Variants in MSRB3 observed in about 807,000 individuals in gnomAD.
The protein encoded by MSRB3 is methionine sulfoxide reductase B3.
A neutral mutation model predicts 21.0 loss-of-function variants in MSRB3; 13 were observed. That is an observed-to-expected ratio of 0.62 (90% CI 0.40 to 0.98). MSRB3 has a LOEUF of 0.98. Ranked by LOEUF, MSRB3 falls within the 50% of genes least tolerant of loss-of-function variation. The pLI is 0.00. For synonymous variants in MSRB3, 87 were observed against 88.6 expected, an observed-to-expected ratio of 0.98 and a Z score of 0.10; for missense variants, 199 against 230.3, an observed-to-expected ratio of 0.86 and a Z score of 0.88.
At chr12:65,432,694 C>T (rs1240954605) in intron 5 of MSRB3, among the ~76,000 whole-genome samples, 2 of 151,612 alleles carry the variant, frequency 1.3e-5, no homozygotes, top group Non-Finnish European at 2.9e-5. Flanking sequence ...ATAGTTAGTT[C>T]TTAAAGCAGT....
chr12:65,344,756 CA>C (rs1398448205), intron 4 of MSRB3, among the ~76,000 whole-genome samples: 1 of 151,920 alleles, frequency 6.6e-6, no homozygotes, highest in Non-Finnish European at 1.5e-5. Context: ...GACTCAAAAC[CA>C]TGTCACTTTG....
chr12:65,413,798 A>C (rs994497086), intron 5 of MSRB3, among the ~76,000 whole-genome samples: 1 of 152,136 alleles, frequency 6.6e-6, no homozygotes, highest in African/African-American at 2.4e-5. Flanking sequence ...AACCCAGCAG[A>C]GTAAGGGGGA....
At chr12:65,281,453 G>C (rs1872015561) in intron 1 of MSRB3, among the ~76,000 whole-genome samples, 1 of 152,162 alleles carries the variant, frequency 6.6e-6, no homozygotes, top group Non-Finnish European at 1.5e-5. Flanking sequence ...TGCTATACAT[G>C]TCAAACTGGC....
chr12:65,314,343 G>A (rs892522351), intron 2 of MSRB3, among the ~76,000 whole-genome samples: 1 of 151,954 alleles, frequency 6.6e-6, no homozygotes, highest in Non-Finnish European at 1.5e-5. Flanking sequence ...TATTAGTTTA[G>A]CATGTTGACT....
intron 4 of MSRB3, among the ~76,000 whole-genome samples, chr12:65,363,622 T>G (rs1171307243): frequency 6.6e-6 from 1 of 152,082 alleles, no homozygotes; most frequent in African/African-American, 2.4e-5. Context: ...GTGGCAATAT[T>G]GCTATGGTGG....
At chr12:65,312,359 C>A (rs1231497622) in intron 2 of MSRB3, among the ~76,000 whole-genome samples, 1 of 151,906 alleles carries the variant, frequency 6.6e-6, no homozygotes, top group Non-Finnish European at 1.5e-5. Context: ...TTCCTTGCCT[C>A]TTAATCAAGA....
intron 5 of MSRB3, among the ~76,000 whole-genome samples, chr12:65,429,663 T>C (rs1030549356): frequency 6.6e-6 from 1 of 152,200 alleles, no homozygotes; most frequent in African/African-American, 2.4e-5. Flanking sequence ...GTCATACATT[T>C]CTCTCCAGTT....
At chr12:65,331,690 G>T (rs1875431076) in intron 4 of MSRB3, among the ~76,000 whole-genome samples, 1 of 152,200 alleles carries the variant, frequency 6.6e-6, no homozygotes, top group Non-Finnish European at 1.5e-5. Context: ...AGCAGCACCT[G>T]GCACTGAAGA....
intron 5 of MSRB3, among the ~76,000 whole-genome samples, chr12:65,373,234 T>G (rs1353028570): frequency 1.3e-5 from 2 of 152,224 alleles, no homozygotes; most frequent in Non-Finnish European, 2.9e-5. Context: ...TCTTCTGAAT[T>G]CTGGGTATAA....
chr12:65,389,161 C>T (rs1170129245), intron 5 of MSRB3, among the ~76,000 whole-genome samples: 1 of 152,148 alleles, frequency 6.6e-6, no homozygotes, highest in Non-Finnish European at 1.5e-5. Context: ...ACATAACCAT[C>T]CTGTGGTGTT....
In MSRB3 at chr12:65,287,397, G is replaced by A. The variant is rs541752105; in HGVS notation, c.-52+8532G>A. ...CCCACCTTGGCCTCTCAAAGTGCTG[G>A]GATTATAGGCATGAGCCTCCACGCC... On this transcript the variant is annotated intron_variant, in intron 1 of 6. Transcript: ENST00000308259. Among the ~76,000 whole-genome samples the A allele has an allele frequency of 3.9e-5, 6 of 152,212 alleles. No individual in the cohort carries two copies. In the South Asian group the frequency reaches 1.2e-3, roughly 32 times the overall value.
intron 4 of MSRB3, among the ~76,000 whole-genome samples, chr12:65,341,640 C>A (rs150018787): frequency 3.6e-4 from 54 of 151,832 alleles, no homozygotes; most frequent in African/African-American, 1.2e-3. Flanking sequence ...GCATTGCATG[C>A]TGGTATCAAA....
At chr12:65,432,000 GTA>G in intron 5 of MSRB3, among the ~76,000 whole-genome samples, 1 of 152,094 alleles carries the variant, frequency 6.6e-6, no homozygotes. Context: ...CTGGACTTCA[GTA>G]TCTTTGGTTT....
At chr12:65,450,138 T>C (rs1052038583) in intron 5 of MSRB3, among the ~76,000 whole-genome samples, 4 of 152,094 alleles carry the variant, frequency 2.6e-5, no homozygotes, top group Admixed American at 6.5e-5. Context: ...TCCATTCTAG[T>C]GTAGATGATA....
Position 65,320,658 on chromosome 12 carries a change from G to A in MSRB3, c.77-6168G>A, listed in dbSNP as rs969814394. ...AGCAGAACCTGCACTCTGATCATAC[G>A]TTGAAAGTTCAGCCAGAAAAATACT... On this transcript the variant is annotated intron_variant, in intron 2 of 6. Coordinates refer to ENST00000308259, the MANE Select transcript of MSRB3 (RefSeq NM_001031679.3). Among the ~76,000 whole-genome samples the A allele has an allele frequency of 3.9e-5, 6 of 152,274 alleles. No individual in the cohort carries two copies. In the East Asian group the frequency reaches 7.7e-4, roughly 20 times the overall value.
At chr12:65,340,186 T>C (rs891451330) in intron 4 of MSRB3, among the ~76,000 whole-genome samples, 4 of 152,168 alleles carry the variant, frequency 2.6e-5, no homozygotes, top group Non-Finnish European at 5.9e-5. Context: ...TAAGTAGTTT[T>C]AGGGCTGAAA....
At chr12:65,340,581 A>G (rs1209743545) in intron 4 of MSRB3, among the ~76,000 whole-genome samples, 1 of 152,164 alleles carries the variant, frequency 6.6e-6, no homozygotes, top group Non-Finnish European at 1.5e-5. Flanking sequence ...GAAAATCTTA[A>G]AAACATCCAG....
intron 2 of MSRB3, among the ~76,000 whole-genome samples, chr12:65,321,627 C>G (rs975204105): frequency 6.6e-6 from 1 of 151,996 alleles, no homozygotes. Context: ...TATCTTAAAG[C>G]CTTTATTGAA....
Position 65,383,982 on chromosome 12 carries a change from T to C in MSRB3, c.292+14956T>C, listed in dbSNP as rs550848359. 2.0e-5 allele frequency among the ~76,000 whole-genome samples: 3 copies of C among 152,332 alleles called. No individual in the cohort carries two copies. In the South Asian group the frequency reaches 6.2e-4, roughly 32 times the overall value. Reference sequence around the variant, plus strand: ...CTGAATTATTTTAAATGTAGAGATATGCTGCTCGATAACAATCAGCTTTAT... The same window carrying C: ...CTGAATTATTTTAAATGTAGAGATACGCTGCTCGATAACAATCAGCTTTAT... On this transcript the variant is annotated intron_variant, in intron 5 of 6. Transcript: ENST00000308259.
Sources: gnomAD v4.1 joint callset for allele counts (sites outside exome capture counted in the v4.1 genomes callset) on GRCh38, gnomAD v4.1.1 for gene constraint, MANE v1.5 for transcripts, NCBI Gene and HGNC (gene_info 2026-07-23, HGNC 2026-07-21) for gene names.